LHPP: variants seen among roughly 807,000 people sequenced by gnomAD.
The protein encoded by LHPP is phospholysine phosphohistidine inorganic pyrophosphate phosphatase.
In LHPP, 24 loss-of-function variants were observed where a neutral mutation model predicts 30.3. The ratio of observed to expected loss-of-function variants is 0.79; its 90% CI spans 0.57 to 1.11. LHPP has a LOEUF of 1.11. Among genes scored for constraint, LHPP ranks in the 50% most tolerant of loss-of-function variants. LHPP has a pLI of 0.00. For synonymous variants in LHPP, 150 were observed against 157.1 expected, an observed-to-expected ratio of 0.95 and a Z score of 0.34; for missense variants, 356 against 367.2, an observed-to-expected ratio of 0.97 and a Z score of 0.25.
At chr10:124,589,860 G>A (rs1012793225) in intron 6 of LHPP, among the ~76,000 whole-genome samples, 1 of 152,150 alleles carries the variant, frequency 6.6e-6, no homozygotes, top group Non-Finnish European at 1.5e-5. Flanking sequence ...AGCCCCGCTC[G>A]GCTCTGAATG....
chr10:124,557,390 G>A (rs1374736646), intron 6 of LHPP, among the ~76,000 whole-genome samples: 1 of 152,216 alleles, frequency 6.6e-6, no homozygotes, highest in Non-Finnish European at 1.5e-5. Context: ...AAGGGATGGT[G>A]CCCAGGTAAC....
chr10:124,481,112 G>A (rs1024148190), intron 1 of LHPP, among the ~76,000 whole-genome samples: 2 of 152,262 alleles, frequency 1.3e-5, no homozygotes, highest in East Asian at 1.9e-4. Flanking sequence ...GTGGAGACCC[G>A]AATAGATTCA....
chr10:124,503,802 C>T (rs1953983222), intron 5 of LHPP, among the ~76,000 whole-genome samples: 1 of 151,816 alleles, frequency 6.6e-6, no homozygotes, highest in African/African-American at 2.4e-5. Flanking sequence ...TTGTATTCCC[C>T]TCATAGGATG....
chr10:124,613,097 G>T, intron 6 of LHPP, 167 bp from the exon 7 acceptor site: 1 of 653,728 alleles, frequency 1.5e-6, no homozygotes, highest in East Asian at 2.7e-5. Context: ...GCCTGAGTAG[G>T]GCAGGGGGAG....
intron 6 of LHPP, among the ~76,000 whole-genome samples, chr10:124,587,732 T>C (rs1262010053): frequency 2.8e-5 from 2 of 71,688 alleles, no homozygotes; most frequent in Admixed American, 2.1e-4. Context: ...ACAGCCAGAC[T>C]CCATCTAAAA....
At chr10:124,511,725 T>A (rs1954303641) in intron 5 of LHPP, among the ~76,000 whole-genome samples, 1 of 152,150 alleles carries the variant, frequency 6.6e-6, no homozygotes, top group Non-Finnish European at 1.5e-5. Context: ...GGCTCTGTCT[T>A]TGTACTTTCT....
chr10:124,497,941 C>T, intron 4 of LHPP, 95 bp from the exon 5 acceptor site: 1 of 988,970 alleles, frequency 1.0e-6, no homozygotes, highest in Non-Finnish European at 1.6e-6. Context: ...AGGCCCTTGA[C>T]TCTTGGGGGC....
chr10:124,594,130 C>A (rs1245363021), intron 6 of LHPP, among the ~76,000 whole-genome samples: 1 of 152,064 alleles, frequency 6.6e-6, no homozygotes, highest in Non-Finnish European at 1.5e-5. Context: ...GAGTTCAACA[C>A]CAGCCTGGCC....
chr10:124,607,293 T>C (rs893292081), intron 6 of LHPP, among the ~76,000 whole-genome samples: 1 of 152,206 alleles, frequency 6.6e-6, no homozygotes, highest in African/African-American at 2.4e-5. Context: ...GCAGAGCTGC[T>C]TCAGGGGCTT....
intron 6 of LHPP, among the ~76,000 whole-genome samples, chr10:124,547,590 C>T (rs1460773339): frequency 1.3e-5 from 2 of 152,246 alleles, no homozygotes; most frequent in African/African-American, 4.8e-5. Flanking sequence ...AAGGCCCCTC[C>T]CTGGAAGCCC....
intron 6 of LHPP, among the ~76,000 whole-genome samples, chr10:124,581,940 C>A (rs1948748137): frequency 1.3e-5 from 2 of 152,046 alleles, no homozygotes; most frequent in Admixed American, 6.6e-5. Flanking sequence ...CACCACCACA[C>A]CCAGCTAATT....
At chr10:124,538,933 A>G (rs1398079040) in intron 6 of LHPP, among the ~76,000 whole-genome samples, 1 of 152,198 alleles carries the variant, frequency 6.6e-6, no homozygotes, top group East Asian at 1.9e-4. Context: ...CCTCCCTGAC[A>G]TTTCAAGGCC....
chr10:124,552,258 C>T (rs1210712880), intron 6 of LHPP, among the ~76,000 whole-genome samples: 2 of 152,158 alleles, frequency 1.3e-5, no homozygotes, highest in African/African-American at 4.8e-5. Context: ...ACCGGATCCC[C>T]ATTACGGAAA....
chr10:124,610,509 C>CGGGTGA (rs1190226010), intron 6 of LHPP, among the ~76,000 whole-genome samples: 1 of 75,620 alleles, frequency 1.3e-5, no homozygotes, highest in Non-Finnish European at 2.4e-5. Flanking sequence ...GTTGACGGAG[C>CGGGTGA]GGGTGAGGGT....
At chr10:124,580,107 A>G (rs1227154338) in intron 6 of LHPP, among the ~76,000 whole-genome samples, 3 of 115,130 alleles carry the variant, frequency 2.6e-5, no homozygotes, top group African/African-American at 5.2e-5. Context: ...TTGTAGCTTC[A>G]CTGTGGAATG....
intron 6 of LHPP, among the ~76,000 whole-genome samples, chr10:124,611,523 G>A (rs1002394236): frequency 8.7e-5 from 13 of 150,238 alleles, no homozygotes; most frequent in African/African-American, 3.2e-4. Flanking sequence ...AGGGGCTTAG[G>A]GGACAAGGGG....
At chr10:124,471,383 CA>C (rs1307060674) in intron 1 of LHPP, among the ~76,000 whole-genome samples, 2 of 113,526 alleles carry the variant, frequency 1.8e-5, no homozygotes, top group East Asian at 4.7e-4. Context: ...AGTAGAACTC[CA>C]AAATTATATA....
At chr10:124,564,543 C>T (rs2362496) in intron 6 of LHPP, among the ~76,000 whole-genome samples, 111,285 of 152,112 alleles carry the variant, frequency 0.73, 42,521 homozygotes, top group East Asian at 0.99. Context: ...TGTGCCCCAC[C>T]GTGCCCAGCC....
intron 6 of LHPP, among the ~76,000 whole-genome samples, chr10:124,548,339 T>C (rs1187035173): frequency 6.6e-6 from 1 of 152,150 alleles, no homozygotes; most frequent in Non-Finnish European, 1.5e-5. Context: ...CTCTTCTCTC[T>C]TTCTACCCGG....
Sources: allele counts gnomAD v4.1 joint callset (sites outside exome capture counted in the v4.1 genomes callset), GRCh38; gene constraint gnomAD v4.1.1; transcripts MANE v1.5; gene names NCBI Gene and HGNC (gene_info 2026-07-23, HGNC 2026-07-21).